The following FMNL2 variants were observed in gnomAD, a reference collection of about 807,000 sequenced individuals.
FMNL2 encodes the protein formin like 2, also known as formin-like protein 2.
FMNL2 carries 51 observed loss-of-function variants against 130.2 expected under a neutral mutation model. That is an observed-to-expected ratio of 0.39 (90% CI 0.31 to 0.49). The LOEUF is 0.49. Among genes scored for constraint, FMNL2 ranks in the 20% least tolerant of loss-of-function variants. FMNL2 has a pLI of 0.85. For synonymous variants in FMNL2, 465 were observed against 467.1 expected (o/e 1.00, Z 0.06); for missense variants, 977 against 1,316.2 (o/e 0.74, Z 3.99).
At chr2:152,512,332 A>C (rs972361523) in intron 1 of FMNL2, among the ~76,000 whole-genome samples, 1 of 152,232 alleles carries the variant, frequency 6.6e-6, no homozygotes, top group African/African-American at 2.4e-5. Context: ...TAAATGCAAT[A>C]GGAATCTGTA....
At chr2:152,495,662 A>AAAAAAAAAAAAAAAAAAAAAAC in intron 1 of FMNL2, among the ~76,000 whole-genome samples, 1 of 149,160 alleles carries the variant, frequency 6.7e-6, no homozygotes, top group Non-Finnish European at 1.5e-5. Context: ...CCAAAAAAAA[A>AAAAAAAAAAAAAAAAAAAAAAC]AAAAAGATTT....
chr2:152,580,805 A>T, intron 8 of FMNL2, 151 bp from the exon 9 acceptor site: 1 of 678,382 alleles, frequency 1.5e-6, no homozygotes, highest in South Asian at 2.0e-5. Flanking sequence ...GTAAAGGTTT[A>T]AAAATGTACT....
chr2:152,625,213 A>G, intron 15 of FMNL2: 2 of 450,910 alleles, frequency 4.4e-6, no homozygotes, highest in East Asian at 6.1e-5. Flanking sequence ...TTGGCCCTTA[A>G]GACGTCTTTT....
intron 1 of FMNL2, among the ~76,000 whole-genome samples, chr2:152,406,317 A>G (rs932720962): frequency 6.6e-6 from 1 of 152,146 alleles, no homozygotes; most frequent in Non-Finnish European, 1.5e-5. Flanking sequence ...TTGAGTGGGG[A>G]GAGAGAGCTA....
chr2:152,556,496 G>A (rs1164122081), intron 4 of FMNL2, among the ~76,000 whole-genome samples: 2 of 152,194 alleles, frequency 1.3e-5, no homozygotes, highest in African/African-American at 2.4e-5. Flanking sequence ...CATGGATAAG[G>A]ACTCTGAAGT....
At chr2:152,628,577 T>C (rs779517505) in intron 18 of FMNL2, 44 bp downstream of exon 18, 1 of 1,530,750 alleles carries the variant, frequency 6.5e-7, no homozygotes, top group Non-Finnish European at 9.0e-7. Flanking sequence ...CAAAGAAATG[T>C]GGAATCGTTA....
At chr2:152,612,548 T>C (rs7591723) in intron 11 of FMNL2, among the ~76,000 whole-genome samples, 152,249 of 152,322 alleles carry the variant, frequency 1, 76,088 homozygotes, top group East Asian at 1. Flanking sequence ...GACCTGAGGA[T>C]CCAGGCAGTT....
chr2:152,564,061 G>C (rs1695676727), intron 6 of FMNL2, among the ~76,000 whole-genome samples: 1 of 152,052 alleles, frequency 6.6e-6, no homozygotes, highest in Non-Finnish European at 1.5e-5. Flanking sequence ...AATAAAGCCT[G>C]CTGCCTTTTA....
intron 21 of FMNL2, among the ~76,000 whole-genome samples, chr2:152,633,781 T>C (rs915391573): frequency 6.6e-6 from 1 of 152,202 alleles, no homozygotes; most frequent in Non-Finnish European, 1.5e-5. Context: ...ACCTGACCAA[T>C]GGGTACTAAT....
intron 3 of FMNL2, among the ~76,000 whole-genome samples, chr2:152,548,453 T>C (rs1694765567): frequency 6.6e-6 from 1 of 152,164 alleles, no homozygotes; most frequent in Non-Finnish European, 1.5e-5. Context: ...ATTTGTGTAA[T>C]GTACTAGGCA....
chr2:152,647,465 C>A (rs1683686745), intron 25 of FMNL2, among the ~76,000 whole-genome samples: 1 of 151,988 alleles, frequency 6.6e-6, no homozygotes, highest in Non-Finnish European at 1.5e-5. Flanking sequence ...AGAATAAAAA[C>A]AAAACAAAAA....
chr2:152,625,545 G>C lies in FMNL2; in HGVS notation c.1945G>C (p.Asp649His), dbSNP rs1229322023. The change falls in exon 16 of 26, where the codon GAT becomes CAT. Residue 649 changes from aspartate (D) to histidine (H), a missense_variant. Transcript: ENST00000288670. ...TGGCACAGTCTTCAATGAAATTGAT[G>C]ATGAGCGAATTCTGGAGGTATTTTT... is the stretch of plus-strand genomic sequence containing the variant. ...INGTVFNEID[D>H]ERILEDLNVD... The C allele has an allele frequency of 6.2e-7, 1 of 1,604,998 alleles. No homozygotes were observed. Among genetic ancestry groups the C allele is most frequent in the Admixed American group, 1.7e-5 (1 of 59,938 alleles).
intron 1 of FMNL2, among the ~76,000 whole-genome samples, chr2:152,478,385 G>A (rs1402531039): frequency 6.6e-6 from 1 of 151,174 alleles, no homozygotes; most frequent in Non-Finnish European, 1.5e-5. Context: ...TTACAGGCAC[G>A]CGCCAACGTG....
intron 1 of FMNL2, among the ~76,000 whole-genome samples, chr2:152,394,126 A>G (rs1405043807): frequency 6.6e-6 from 1 of 152,202 alleles, no homozygotes; most frequent in East Asian, 1.9e-4. Context: ...TTAGGCCTAC[A>G]GAAGTTTGAA....
chr2:152,647,027 T>C (rs1310447937), intron 25 of FMNL2, among the ~76,000 whole-genome samples: 1 of 152,220 alleles, frequency 6.6e-6, no homozygotes, highest in African/African-American at 2.4e-5. Flanking sequence ...GATTTTCTTA[T>C]GCAGGAGGGC....
chr2:152,625,335 C>G, intron 15 of FMNL2, 103 bp from the exon 16 acceptor site: 1 of 1,388,252 alleles, frequency 7.2e-7, no homozygotes, highest in Non-Finnish European at 9.7e-7. Flanking sequence ...TGCCAACCTT[C>G]CTCCAGTGTC....
At chr2:152,518,962 G>A (rs569167366) in intron 1 of FMNL2, among the ~76,000 whole-genome samples, 1 of 152,290 alleles carries the variant, frequency 6.6e-6, no homozygotes, top group Non-Finnish European at 1.5e-5. Flanking sequence ...GCATGTCTAG[G>A]CATGATATGG....
intron 1 of FMNL2, among the ~76,000 whole-genome samples, chr2:152,494,747 G>T (rs555809271): frequency 6.6e-6 from 1 of 152,036 alleles, no homozygotes; most frequent in Admixed American, 6.6e-5. Flanking sequence ...TAGATGTAGT[G>T]GTCCTTTCTC....
intron 2 of FMNL2, among the ~76,000 whole-genome samples, chr2:152,540,560 A>G (rs1694252978): frequency 1.3e-5 from 2 of 152,098 alleles, no homozygotes; most frequent in South Asian, 4.1e-4. Context: ...ACTACAAACC[A>G]TTCCCCCTAT....
Sources: allele counts gnomAD v4.1 joint callset (sites outside exome capture counted in the v4.1 genomes callset), GRCh38; gene constraint gnomAD v4.1.1; transcripts MANE v1.5; gene names NCBI Gene and HGNC (gene_info 2026-07-23, HGNC 2026-07-21).